Variants in ANGPT4 observed in about 807,000 individuals in gnomAD.
ANGPT4 encodes angiopoietin-4.
In ANGPT4, 50 loss-of-function variants were observed where a neutral mutation model predicts 53.0. The observed-to-expected ratio is 0.94, with a 90% CI of 0.75 to 1.20. The LOEUF (loss-of-function observed/expected upper bound fraction) is 1.20, where lower values mean the gene tolerates loss of function less well. Ranked by LOEUF, ANGPT4 falls within the 50% of genes most tolerant of loss-of-function variation. The pLI is 0.00. For synonymous variants in ANGPT4, 251 were observed against 259.7 expected (o/e 0.97, Z 0.32); for missense variants, 648 against 637.1 (o/e 1.02, Z -0.18).
chr20:908,765 TTG>T lies in ANGPT4; in HGVS notation c.309+7139_309+7140del, dbSNP rs1982582079. 1.4e-5 allele frequency among the ~76,000 whole-genome samples: 2 copies of T among 141,914 alleles called. No homozygotes were observed. The highest frequency in any genetic ancestry group is 5.1e-5 in the African/African-American group (2 of 39,560). 93.1% of individuals were successfully genotyped at this position (141,914 alleles called of 152,430 possible). ...TAAGTTCAGAGTTGTGTATACACAT[TTG>T]TGTTTGTGTGTGGTGGGGGGCAGGA... On this transcript the variant is annotated intron_variant, in intron 1 of 8. Coordinates refer to ENST00000381922, the MANE Select transcript of ANGPT4 (RefSeq NM_015985.4). The surrounding 1 kb of genome is among the most constrained non-coding windows in gnomAD (Gnocchi z 4.9).
At chr20:896,039 T>A (rs977119801) in intron 1 of ANGPT4, among the ~76,000 whole-genome samples, 1 of 152,228 alleles carries the variant, frequency 6.6e-6, no homozygotes, top group Non-Finnish European at 1.5e-5. Flanking sequence ...TAGATTTTGC[T>A]GTACGTGGGT....
At chr20:903,930 TCCATTTCACA>T (rs1982382294) in intron 1 of ANGPT4, among the ~76,000 whole-genome samples, 1 of 152,060 alleles carries the variant, frequency 6.6e-6, no homozygotes, top group Admixed American at 6.6e-5. Context: ...TCCCATCCCC[TCCATTTCACA>T]GATGGGAAAA....
chr20:879,732 AG>A lies in ANGPT4; in HGVS notation c.1053+14del. The A allele has an allele frequency of 6.2e-7, 1 of 1,610,324 alleles. No individual in the cohort carries two copies. Among genetic ancestry groups the A allele is most frequent in the Non-Finnish European group, 8.5e-7 (1 of 1,177,490 alleles). ...TTCAGAGCAGAATGGCCCCTCCCCA[AG>A]GCAGCAGGGCTACCTGTTTGTAATC... On this transcript the variant is annotated intron_variant, in intron 6 of 8. Transcript: ENST00000381922.
At chr20:901,060 T>C (rs6055720) in intron 1 of ANGPT4, among the ~76,000 whole-genome samples, 45,347 of 152,006 alleles carry the variant, frequency 0.3, 8,525 homozygotes, top group African/African-American at 0.53. Flanking sequence ...GGTTCCGACA[T>C]TGCTCCTAAT....
intron 1 of ANGPT4, among the ~76,000 whole-genome samples, chr20:893,352 C>A (rs930246589): frequency 1.3e-5 from 2 of 152,328 alleles, no homozygotes; most frequent in Non-Finnish European, 2.9e-5. Flanking sequence ...AGACATCACA[C>A]CCACCACTGG....
At chr20:897,324 G>A (rs961657824) in intron 1 of ANGPT4, among the ~76,000 whole-genome samples, 8 of 152,144 alleles carry the variant, frequency 5.3e-5, no homozygotes, top group African/African-American at 1.7e-4. Context: ...TATGACCTCC[G>A]ATCCTCAGAT....
chr20:883,542 C>T (rs140122464), intron 4 of ANGPT4, among the ~76,000 whole-genome samples: 156 of 152,360 alleles, frequency 1.0e-3, no homozygotes, highest in African/African-American at 3.6e-3. Context: ...CTCTCTTCTA[C>T]ACCTGGTGAC....
chr20:910,847 C>T (rs1568861008), intron 1 of ANGPT4, among the ~76,000 whole-genome samples: 1 of 152,106 alleles, frequency 6.6e-6, no homozygotes, highest in Admixed American at 6.5e-5. Context: ...CAGGCATGAG[C>T]CAGCTGGTCA....
In ANGPT4 at chr20:916,327, CTCTG is replaced by C. The variant is rs1982946474; in HGVS notation, c.-117_-114del. On this transcript the variant is annotated 5_prime_UTR_variant, in exon 1 of 9. Transcript: ENST00000381922. The stretch of plus-strand genomic sequence containing the variant: ...CTTGCCTGCAGCTGCAGCTACAAAC[CTCTG>C]TCTGGCCGAGCTCTGTCCAGGCAGC... 8.6e-7 allele frequency: 1 copy of C among 1,159,850 alleles called. No homozygotes were observed. The highest frequency in any genetic ancestry group is 1.2e-6 in the Non-Finnish European group (1 of 823,942). 71.8% of individuals were successfully genotyped at this position (1,159,850 alleles called of 1,614,324 possible).
chr20:883,178 A>C (rs1414731719), intron 4 of ANGPT4, among the ~76,000 whole-genome samples: 1 of 152,262 alleles, frequency 6.6e-6, no homozygotes, highest in Non-Finnish European at 1.5e-5. Flanking sequence ...CTAATTAATA[A>C]GTGAAGGAGC....
chr20:894,302 C>T (rs1228248297), intron 1 of ANGPT4, among the ~76,000 whole-genome samples: 1 of 152,238 alleles, frequency 6.6e-6, no homozygotes, highest in Non-Finnish European at 1.5e-5. Flanking sequence ...GGAAATCCAG[C>T]TAGCCCTGTC....
intron 1 of ANGPT4, among the ~76,000 whole-genome samples, chr20:904,056 CTGTG>C (rs959767281): frequency 2.0e-5 from 3 of 152,204 alleles, no homozygotes; most frequent in East Asian, 1.9e-4. Flanking sequence ...TCTTACCTAG[CTGTG>C]TGTGTGTGTT....
intron 1 of ANGPT4, among the ~76,000 whole-genome samples, chr20:907,842 G>A (rs1982536447): frequency 1.3e-5 from 2 of 152,122 alleles, no homozygotes; most frequent in East Asian, 1.9e-4. Context: ...CTTTGCTGGG[G>A]TATCTCCCCA....
At chr20:905,877 T>G (rs1982459512) in intron 1 of ANGPT4, among the ~76,000 whole-genome samples, 1 of 152,164 alleles carries the variant, frequency 6.6e-6, no homozygotes, top group Non-Finnish European at 1.5e-5. Context: ...TACAGCTCAT[T>G]TAGTCCTTGG....
chr20:896,211 G>T (rs2122826754), intron 1 of ANGPT4, among the ~76,000 whole-genome samples: 1 of 152,316 alleles, frequency 6.6e-6, no homozygotes, highest in African/African-American at 2.4e-5. Context: ...CCTACTATGT[G>T]CTCATCCTGT....
chr20:913,502 A>G (rs1982791189), intron 1 of ANGPT4, among the ~76,000 whole-genome samples: 1 of 152,208 alleles, frequency 6.6e-6, no homozygotes, highest in South Asian at 2.1e-4. Flanking sequence ...GACTGACCCT[A>G]GCTCAGAATT....
chr20:873,057 T>C lies in ANGPT4; in HGVS notation c.1415A>G (p.Asn472Ser), dbSNP rs777679463. Residue 472 changes from asparagine (N) to serine (S), a missense_variant, in exon 9 of 9, where the codon AAC becomes AGC. Physicochemically the swap from Asn to Ser is conservative, Grantham distance 46 (BLOSUM62 1). Transcript: ENST00000381922. ...GCGGATGCCGTCCATCTTGTACTTG[T>C]TGTCGGGAGCGTGGTAGTAGACGCC... ...LNGVYYHAPD[N>S]KYKMDGIRWH... The C allele has an allele frequency of 1.2e-6, 2 of 1,613,958 alleles. No individual in the cohort carries two copies. Among genetic ancestry groups the C allele is most frequent in the Non-Finnish European group, 1.7e-6 (2 of 1,179,978 alleles).
intron 1 of ANGPT4, among the ~76,000 whole-genome samples, chr20:907,432 T>G (rs1331108298): frequency 6.6e-6 from 1 of 152,132 alleles, no homozygotes; most frequent in Non-Finnish European, 1.5e-5. Context: ...AGGTATGCCT[T>G]TGGTGGTCGT....
At chr20:888,013 C>A (rs1267577075) in intron 3 of ANGPT4, among the ~76,000 whole-genome samples, 2 of 152,082 alleles carry the variant, frequency 1.3e-5, no homozygotes, top group East Asian at 3.9e-4. Context: ...GGCTCCTAGC[C>A]CAGCCCCGTA....
Sources: gnomAD v4.1 joint callset for allele counts (sites outside exome capture counted in the v4.1 genomes callset) on GRCh38, gnomAD v4.1.1 for gene constraint, Gnocchi (gnomAD v3.1) non-coding constraint, MANE v1.5 for transcripts, NCBI Gene and HGNC (gene_info 2026-07-23, HGNC 2026-07-21) for gene names.